NRCAM: variants seen among roughly 807,000 people sequenced by gnomAD.
NRCAM encodes the protein neuronal cell adhesion molecule.
In NRCAM, 83 loss-of-function variants were observed where a neutral mutation model predicts 156.5. That is an observed-to-expected ratio of 0.53 (90% CI 0.44 to 0.64). The LOEUF is 0.64. NRCAM is among the 30% of genes least tolerant of loss of function. NRCAM has a pLI of 0.00. For missense variants in NRCAM, 1,417 were observed against 1,597.3 expected, an observed-to-expected ratio of 0.89 and a Z score of 1.92; for synonymous variants, 538 against 563.9, an observed-to-expected ratio of 0.95 and a Z score of 0.65.
intron 1 of NRCAM, among the ~76,000 whole-genome samples, chr7:108,455,712 C>A (rs1290257379): frequency 2.0e-5 from 3 of 152,212 alleles, no homozygotes; most frequent in Admixed American, 6.5e-5. Context: ...AAAGCCCACG[C>A]CCAGACGTGT....
chr7:108,418,053 C>T (rs1803953497), intron 1 of NRCAM, among the ~76,000 whole-genome samples: 1 of 152,180 alleles, frequency 6.6e-6, no homozygotes, highest in Non-Finnish European at 1.5e-5. Flanking sequence ...GGAAACCCCT[C>T]TGCTCTTACA....
chr7:108,435,427 C>T (rs2154473309), intron 1 of NRCAM, among the ~76,000 whole-genome samples: 1 of 152,258 alleles, frequency 6.6e-6, no homozygotes. Context: ...ACATCAAGCA[C>T]ACCAAATAAG....
intron 1 of NRCAM, among the ~76,000 whole-genome samples, chr7:108,449,906 T>A (rs1848416116): frequency 1.3e-5 from 1 of 77,856 alleles, no homozygotes; most frequent in African/African-American, 5.5e-5. Flanking sequence ...TAGAAATAGA[T>A]TTTTTTTTTT....
chr7:108,269,600 C>T (rs976032820), intron 3 of NRCAM, among the ~76,000 whole-genome samples: 16 of 152,190 alleles, frequency 1.1e-4, no homozygotes, highest in African/African-American at 2.4e-4. Context: ...GTTACACACT[C>T]GCATATGATA....
Position 108,148,282 on chromosome 7 carries a change from AC to A in NRCAM, c.*1627del, listed in dbSNP as rs1475533299. 1.3e-5 allele frequency: 2 copies of A among 152,668 alleles called. 1 individual carries two copies. Among genetic ancestry groups the A allele is most frequent in the Non-Finnish European group, 2.9e-5 (2 of 68,040 alleles). The allele number at this position is 152,668 out of a possible 1,614,324, so 9.5% of individuals were successfully genotyped here. On this transcript the variant is annotated 3_prime_UTR_variant, in exon 33 of 33. Transcript: ENST00000379028. Reference sequence around the variant, plus strand: ...TCCCATTCACTGCATTAATTAGCTTACCTCTTATACAGTACAACATAAACAT... The same window carrying A: ...TCCCATTCACTGCATTAATTAGCTTACTCTTATACAGTACAACATAAACAT...
At chr7:108,203,657 G>A (rs764713037) in intron 13 of NRCAM, among the ~76,000 whole-genome samples, 1 of 152,272 alleles carries the variant, frequency 6.6e-6, no homozygotes, top group East Asian at 1.9e-4. Context: ...AGTCAGGAGT[G>A]GGGAGGCTGT....
intron 12 of NRCAM, among the ~76,000 whole-genome samples, chr7:108,208,172 G>C (rs1047756833): frequency 6.6e-6 from 1 of 151,638 alleles, no homozygotes; most frequent in African/African-American, 2.4e-5. Context: ...CAGGTGTGGT[G>C]GTGGGCACCT....
chr7:108,244,658 T>C (rs561293706), intron 3 of NRCAM, among the ~76,000 whole-genome samples: 3 of 152,260 alleles, frequency 2.0e-5, no homozygotes, highest in African/African-American at 4.8e-5. Context: ...AATAGGACTA[T>C]AGAGATGATA....
Position 108,262,159 on chromosome 7 carries a change from C to G in NRCAM, c.-106-21989G>C, listed in dbSNP as rs190035285. ...TGTGCATAAGTAGTCTCTGGCTCAG[C>G]TTTTGGGGGACCCTAGGCTAACACA... On this transcript the variant is annotated intron_variant, in intron 3 of 32. Coordinates refer to ENST00000379028, the MANE Select transcript of NRCAM (RefSeq NM_001037132.4). Among the ~76,000 whole-genome samples, 11 of 152,112 alleles carry G rather than the reference C, an allele frequency of 7.2e-5. No individual in the cohort carries two copies. In the East Asian group the frequency reaches 2.2e-3, roughly 30 times the overall value.
At position 108,207,545 on chromosome 7, in the gene NRCAM, T is replaced by C; in HGVS notation, c.1190A>G (p.Asn397Ser). 6.2e-7 allele frequency: 1 copy of C among 1,613,962 alleles called. No individual in the cohort carries two copies. ...NPKPRISWLT[N>S]GVPIEIAPDD... ...CAACTTACTTTCTATTGGGACTCCA[T>C]TTGTTAACCAGCTAATTCTGGGTTT... Residue 397 changes from asparagine (N) to serine (S), a missense_variant, in exon 13 of 33, where the codon AAT becomes AGT. Asn to Ser is a conservative substitution (Grantham distance 46). Around this residue, in one of 2 missense-constraint regions of NRCAM, gnomAD observed 1,238 missense variants for 1,336.4 expected, o/e 0.93. Coordinates refer to ENST00000379028, the MANE Select transcript of NRCAM (RefSeq NM_001037132.4).
intron 28 of NRCAM, among the ~76,000 whole-genome samples, chr7:108,169,257 A>C (rs1323897110): frequency 1.3e-5 from 2 of 152,206 alleles, no homozygotes; most frequent in African/African-American, 4.8e-5. Context: ...AAAGTCATTA[A>C]AAAATGTTAT....
intron 2 of NRCAM, among the ~76,000 whole-genome samples, chr7:108,382,147 C>A (rs1163392013): frequency 6.6e-6 from 1 of 151,920 alleles, no homozygotes; most frequent in Admixed American, 6.6e-5. Flanking sequence ...TGGTGCTAAA[C>A]CCACAGAGTC....
intron 2 of NRCAM, among the ~76,000 whole-genome samples, chr7:108,321,436 A>T (rs967743245): frequency 3.3e-5 from 5 of 152,156 alleles, no homozygotes; most frequent in Non-Finnish European, 7.3e-5. Context: ...AGACTCTTTT[A>T]AACAATCAGA....
At chr7:108,446,695 T>C (rs768849148) in intron 1 of NRCAM, among the ~76,000 whole-genome samples, 29 of 151,756 alleles carry the variant, frequency 1.9e-4, no homozygotes, top group Middle Eastern at 3.4e-3. Flanking sequence ...AATATTTTTA[T>C]ACAATCGTAT....
chr7:108,235,944 A>T (rs2094933880), intron 5 of NRCAM, among the ~76,000 whole-genome samples: 1 of 152,080 alleles, frequency 6.6e-6, no homozygotes, highest in African/African-American at 2.4e-5. Flanking sequence ...CATCTGGGAA[A>T]TTCCCCCAAG....
At chr7:108,374,037 A>G (rs2099646682) in intron 2 of NRCAM, among the ~76,000 whole-genome samples, 1 of 152,180 alleles carries the variant, frequency 6.6e-6, no homozygotes, top group Non-Finnish European at 1.5e-5. Context: ...GAACTGCTTC[A>G]TATAGCCATT....
chr7:108,244,020 C>A, intron 3 of NRCAM, among the ~76,000 whole-genome samples: 1 of 152,178 alleles, frequency 6.6e-6, no homozygotes, highest in East Asian at 1.9e-4. Context: ...GGATTCACAT[C>A]AAGCCTGAGA....
intron 3 of NRCAM, among the ~76,000 whole-genome samples, chr7:108,290,210 ATCT>A (rs2098243826): frequency 6.6e-6 from 1 of 152,140 alleles, no homozygotes; most frequent in Non-Finnish European, 1.5e-5. Flanking sequence ...GCCTTTCCTA[ATCT>A]TCTTGCATAC....
chr7:108,302,097 C>G lies in NRCAM; in HGVS notation c.-107+10568G>C, dbSNP rs183991840. Reference sequence around the variant, plus strand: ...CAAATCAACAACAGAAACAATGCAGCTCTTTCCCCTTATATTTCACTCAAA... The same window carrying G: ...CAAATCAACAACAGAAACAATGCAGGTCTTTCCCCTTATATTTCACTCAAA... On this transcript the variant is annotated intron_variant, in intron 3 of 32. Transcript: ENST00000379028. 1.1e-4 allele frequency among the ~76,000 whole-genome samples: 17 copies of G among 151,712 alleles called. No individual in the cohort carries two copies. In the East Asian group the frequency reaches 3.3e-3, roughly 29 times the overall value.
Sources: gnomAD v4.1 joint callset for allele counts (sites outside exome capture counted in the v4.1 genomes callset) on GRCh38, gnomAD v4.1.1 for gene constraint, gnomAD v4.1.1 regional missense constraint, MANE v1.5 for transcripts, NCBI Gene and HGNC (gene_info 2026-07-23, HGNC 2026-07-21) for gene names.